Variants in AGFG1 observed in about 807,000 individuals in gnomAD.
The protein encoded by AGFG1 is ArfGAP with FG repeats 1.
In AGFG1, 10 loss-of-function variants were observed where a neutral mutation model predicts 60.6. The observed-to-expected ratio is 0.16, with a 90% CI of 0.10 to 0.28. AGFG1 has a LOEUF of 0.28. AGFG1 is among the 10% of genes least tolerant of loss of function. The pLI, the probability that AGFG1 is intolerant of heterozygous loss-of-function variation, is 1.00. For missense variants in AGFG1, 537 were observed against 676.5 expected (o/e 0.79, Z 2.29); for synonymous variants, 247 against 242.9 (o/e 1.02, Z -0.16).
At chr2:227,534,133 TTGG>T (rs1383737618) in intron 7 of AGFG1, among the ~76,000 whole-genome samples, 1 of 152,112 alleles carries the variant, frequency 6.6e-6, no homozygotes, top group Non-Finnish European at 1.5e-5. Flanking sequence ...CGTTAACATC[TTGG>T]TGGGTTTTTT....
At chr2:227,481,099 C>CTTTTTTTTTTTTTTTTTTT (rs36152184) in intron 1 of AGFG1, among the ~76,000 whole-genome samples, 5 of 75,726 alleles carry the variant, frequency 6.6e-5, no homozygotes, top group Non-Finnish European at 9.5e-5. Context: ...GTGTTTTAGG[C>CTTTTTTTTTTTTTTTTTTT]TTTTTTTTTT....
At chr2:227,485,297 C>T (rs115035599) in intron 1 of AGFG1, among the ~76,000 whole-genome samples, 3,703 of 142,402 alleles carry the variant, frequency 0.026, 44 homozygotes, top group Middle Eastern at 0.036. Flanking sequence ...AGTGCAATGG[C>T]GTGATCTTAG....
At chr2:227,535,175 T>G in intron 8 of AGFG1, 150 bp downstream of exon 8, 1 of 851,260 alleles carries the variant, frequency 1.2e-6, no homozygotes, top group Non-Finnish European at 1.7e-6. Flanking sequence ...AAATGCTAAT[T>G]AAAATATAAT....
At position 227,496,458 on chromosome 2, in the gene AGFG1, T is replaced by A. The variant is rs868076039; in HGVS notation, c.261+4818T>A. On this transcript the variant is annotated intron_variant, in intron 2 of 12. Coordinates refer to ENST00000310078, the MANE Select transcript of AGFG1 (RefSeq NM_004504.5). ...CTCCGTCTCAAAAAAAAAAAATAAA[T>A]AAAATAGCCTGCTGTGTGCCAGGAA... is the stretch of plus-strand genomic sequence containing the variant. Among the ~76,000 whole-genome samples the A allele has an allele frequency of 3.5e-3, 393 of 111,898 alleles. 3 individuals are homozygous for A. The highest frequency in any genetic ancestry group is 0.019 in the Middle Eastern group (4 of 212). The allele number at this position is 111,898 out of a possible 152,430, so 73.4% of individuals were successfully genotyped here.
intron 10 of AGFG1, chr2:227,550,127 T>C (rs1401561528): frequency 6.9e-6 from 3 of 433,808 alleles, no homozygotes; most frequent in African/African-American, 2.1e-5. Context: ...ACAATTAATA[T>C]CTAGATTTGT....
chr2:227,487,230 C>T (rs1422674778), intron 1 of AGFG1, among the ~76,000 whole-genome samples: 2 of 152,134 alleles, frequency 1.3e-5, no homozygotes, highest in African/African-American at 4.8e-5. Flanking sequence ...GTCACTTGGA[C>T]TTTCCATTAT....
chr2:227,527,163 G>T (rs1302220765), intron 5 of AGFG1, among the ~76,000 whole-genome samples: 1 of 152,226 alleles, frequency 6.6e-6, no homozygotes, highest in Admixed American at 6.5e-5. Flanking sequence ...CCTGGGTTCA[G>T]ATGCTGGCTT....
At chr2:227,538,683 A>G (rs1323257151) in intron 10 of AGFG1, among the ~76,000 whole-genome samples, 1 of 152,214 alleles carries the variant, frequency 6.6e-6, no homozygotes, top group Non-Finnish European at 1.5e-5. Context: ...ATGCTCAGTA[A>G]ATCAGACCTA....
chr2:227,528,368 C>T (rs142067140), intron 5 of AGFG1, among the ~76,000 whole-genome samples: 2 of 152,096 alleles, frequency 1.3e-5, no homozygotes, highest in Non-Finnish European at 2.9e-5. Flanking sequence ...TTTCCCTTCT[C>T]CTGTGTTACC....
intron 2 of AGFG1, among the ~76,000 whole-genome samples, chr2:227,507,755 A>C (rs1242814489): frequency 6.6e-6 from 1 of 151,768 alleles, no homozygotes; most frequent in Non-Finnish European, 1.5e-5. Flanking sequence ...ATCAGTAGAT[A>C]TGGTGCACCA....
intron 1 of AGFG1, among the ~76,000 whole-genome samples, chr2:227,488,722 G>A (rs1222368927): frequency 6.6e-6 from 1 of 152,238 alleles, no homozygotes; most frequent in Non-Finnish European, 1.5e-5. Flanking sequence ...GGGTGGATTA[G>A]TGTTCTCATA....
At chr2:227,475,118 T>A (rs1284215033) in intron 1 of AGFG1, among the ~76,000 whole-genome samples, 4 of 152,246 alleles carry the variant, frequency 2.6e-5, no homozygotes, top group African/African-American at 7.2e-5. Flanking sequence ...TTGGATTTTA[T>A]GGTTGTAACT....
intron 4 of AGFG1, 24 bp from the exon 5 acceptor site, chr2:227,524,732 ATATCTT>A (rs747446259): frequency 1.9e-6 from 3 of 1,608,034 alleles, no homozygotes. Flanking sequence ...TCCGACTGGA[ATATCTT>A]TATAGTTAAT....
At chr2:227,488,123 A>G (rs771971283) in intron 1 of AGFG1, among the ~76,000 whole-genome samples, 1 of 152,224 alleles carries the variant, frequency 6.6e-6, no homozygotes, top group Non-Finnish European at 1.5e-5. Context: ...GTAACGAGTA[A>G]CAAATCCTGT....
chr2:227,538,130 C>G (rs932059060), intron 10 of AGFG1, among the ~76,000 whole-genome samples: 2 of 152,124 alleles, frequency 1.3e-5, no homozygotes, highest in Admixed American at 1.3e-4. Flanking sequence ...TGCAGTGTTT[C>G]TGTTTCTTAG....
chr2:227,527,549 G>A (rs1440561735), intron 5 of AGFG1, among the ~76,000 whole-genome samples: 1 of 152,060 alleles, frequency 6.6e-6, no homozygotes, highest in Non-Finnish European at 1.5e-5. Context: ...GCTTCTTTAT[G>A]CTTAAACAGT....
At chr2:227,535,172 A>G (rs780235557) in intron 8 of AGFG1, 147 bp downstream of exon 8, 10 of 869,038 alleles carry the variant, frequency 1.2e-5, no homozygotes, top group South Asian at 4.1e-5. Flanking sequence ...TTTAAATGCT[A>G]ATTAAAATAT....
chr2:227,490,816 G>T (rs146762199), intron 1 of AGFG1, among the ~76,000 whole-genome samples: 2 of 152,216 alleles, frequency 1.3e-5, no homozygotes, highest in Admixed American at 1.3e-4. Flanking sequence ...TTTCATGTGC[G>T]TGTTCAAACA....
rs1165320067 is a variant in AGFG1, at chr2:227,523,823, C to G, written c.438C>G (p.Ser146=). ...VASVHASISG[S]SASSTSSTPE... ...CAGTTCATGCATCTATTTCAGGGTC[C>G]TCTGCCAGTAGCACAAGCAGCACAC... Residue 146 remains serine, a synonymous_variant, in exon 4 of 13, where the codon TCC becomes TCG. Transcript: ENST00000310078. The G allele has an allele frequency of 6.2e-7, 1 of 1,613,954 alleles. No individual in the cohort carries two copies. The highest frequency in any genetic ancestry group is 8.5e-7 in the Non-Finnish European group (1 of 1,179,968).
Sources: allele counts gnomAD v4.1 joint callset (sites outside exome capture counted in the v4.1 genomes callset), GRCh38; gene constraint gnomAD v4.1.1; transcripts MANE v1.5; gene names NCBI Gene and HGNC (gene_info 2026-07-23, HGNC 2026-07-21).